RGL1: variants seen among roughly 807,000 people sequenced by gnomAD.
The protein encoded by RGL1 is ral guanine nucleotide dissociation stimulator-like 1.
A neutral mutation model predicts 95.2 loss-of-function variants in RGL1; 24 were observed. That is an observed-to-expected ratio of 0.25 (90% CI 0.18 to 0.35). The LOEUF is 0.35. Ranked by LOEUF, RGL1 falls within the 10% of genes least tolerant of loss-of-function variation. RGL1 has a pLI of 1.00. For missense variants in RGL1, 715 were observed against 936.3 expected (o/e 0.76, Z 3.08); for synonymous variants, 329 against 344.9 (o/e 0.95, Z 0.51).
chr1:183,876,115 G>A (rs941551175), intron 4 of RGL1, among the ~76,000 whole-genome samples: 1 of 152,122 alleles, frequency 6.6e-6, no homozygotes, highest in Non-Finnish European at 1.5e-5. Flanking sequence ...GACCAGGTCA[G>A]CTCCCTCTGA....
chr1:183,899,264 G>A lies in RGL1; in HGVS notation c.1231-886G>A, dbSNP rs1193059362. Among the ~76,000 whole-genome samples, 3 of 152,236 alleles carry A rather than the reference G, an allele frequency of 2.0e-5. No homozygotes were observed. The East Asian group carries it at 5.8e-4, about 29-fold the overall frequency. On this transcript the variant is annotated intron_variant, in intron 10 of 17. Transcript: ENST00000360851. The stretch of plus-strand genomic sequence containing the variant: ...TTAACTAAAATCTAGACTTTGTTTG[G>A]ATTTCACCAGTTTTCCACTAGTATC...
chr1:183,705,577 G>A (rs12076856), intron 1 of RGL1, among the ~76,000 whole-genome samples: 22 of 152,154 alleles, frequency 1.4e-4, no homozygotes, highest in African/African-American at 5.3e-4. Context: ...GTGAAAGGTG[G>A]GTGTCGGGGT....
At chr1:183,905,044 T>G in intron 13 of RGL1, 73 bp downstream of exon 13, 2 of 1,531,556 alleles carry the variant, frequency 1.3e-6, no homozygotes, top group South Asian at 2.6e-5. Context: ...AATACCTCGC[T>G]GGGTCATTTA....
At chr1:183,891,002 T>C (rs1226091932) in intron 8 of RGL1, among the ~76,000 whole-genome samples, 1 of 152,190 alleles carries the variant, frequency 6.6e-6, no homozygotes, top group Admixed American at 6.5e-5. Flanking sequence ...AAAGATATCT[T>C]ATTTGGTTAT....
upstream of RGL1, among the ~76,000 whole-genome samples, chr1:183,800,282 A>G (rs939261129): frequency 9.2e-5 from 14 of 152,224 alleles, no homozygotes; most frequent in Non-Finnish European, 1.5e-4. Context: ...TGAATGGGGT[A>G]TATATATTGT....
intron 12 of RGL1, 117 bp from the exon 13 acceptor site, chr1:183,904,733 T>C: frequency 9.1e-7 from 1 of 1,093,088 alleles, no homozygotes; most frequent in Admixed American, 2.8e-5. Context: ...TCCTCCTAGA[T>C]GGTTTTCTTC....
At chr1:183,814,265 G>A (rs899251452) in intron 2 of RGL1, among the ~76,000 whole-genome samples, 2 of 152,134 alleles carry the variant, frequency 1.3e-5, no homozygotes, top group Admixed American at 6.5e-5. Flanking sequence ...AGAAATACCT[G>A]TGTCTTTCCA....
At chr1:183,885,089 A>G (rs955318349) in intron 7 of RGL1, 151 bp downstream of exon 7, 1 of 699,238 alleles carries the variant, frequency 1.4e-6, no homozygotes, top group Non-Finnish European at 2.3e-6. Context: ...TTCCAGAGTA[A>G]GAAAAAAGTT....
At chr1:183,824,279 A>G in intron 2 of RGL1, among the ~76,000 whole-genome samples, 1 of 152,152 alleles carries the variant, frequency 6.6e-6, no homozygotes, top group East Asian at 1.9e-4. Context: ...ATTTCTGTGA[A>G]GATTCCGCTC....
chr1:183,677,785 G>A (rs1394358038), intron 1 of RGL1, among the ~76,000 whole-genome samples: 5 of 152,100 alleles, frequency 3.3e-5, no homozygotes, highest in South Asian at 2.1e-4. Flanking sequence ...CATGAGTTAG[G>A]TGTTATCTCC....
chr1:183,884,167 C>A (rs987884800), intron 6 of RGL1, among the ~76,000 whole-genome samples: 2 of 152,212 alleles, frequency 1.3e-5, no homozygotes, highest in African/African-American at 4.8e-5. Flanking sequence ...GAATTCGAAT[C>A]CCTGTGAAAC....
At chr1:183,916,755 T>C in intron 16 of RGL1, 54 bp downstream of exon 16, 1 of 1,581,438 alleles carries the variant, frequency 6.3e-7, no homozygotes, top group Non-Finnish European at 8.6e-7. Flanking sequence ...TGTGTGTCTG[T>C]GTCTGTCGGC....
intron 2 of RGL1, among the ~76,000 whole-genome samples, chr1:183,747,493 T>TAAC (rs1657716755): frequency 6.6e-6 from 1 of 152,242 alleles, no homozygotes; most frequent in South Asian, 2.1e-4. Context: ...TGTTTGTTTT[T>TAAC]CCTTGTAAAT....
At chr1:183,846,063 A>G (rs1470077922) in intron 2 of RGL1, among the ~76,000 whole-genome samples, 1 of 152,222 alleles carries the variant, frequency 6.6e-6, no homozygotes, top group Non-Finnish European at 1.5e-5. Context: ...AAAGGATTAT[A>G]AATCATTCTA....
chr1:183,735,529 GTTATGGAAAGCAAA>G (rs1418534531), intron 1 of RGL1, among the ~76,000 whole-genome samples: 5 of 152,132 alleles, frequency 3.3e-5, no homozygotes, highest in Admixed American at 3.3e-4. Context: ...ACCAGAGTAA[GTTATGGAAAGCAAA>G]AAAAGCAATA....
At chr1:183,720,520 G>T (rs1655961664) in intron 1 of RGL1, among the ~76,000 whole-genome samples, 1 of 152,226 alleles carries the variant, frequency 6.6e-6, no homozygotes, top group Non-Finnish European at 1.5e-5. Context: ...GCATCCATGG[G>T]CTGCCTACTT....
chr1:183,686,948 A>C (rs1653626740), intron 1 of RGL1, among the ~76,000 whole-genome samples: 2 of 152,210 alleles, frequency 1.3e-5, no homozygotes, highest in Admixed American at 1.3e-4. Context: ...ATCATTAGCT[A>C]TCCATTTGCC....
chr1:183,676,170 A>G (rs1652816480), intron 1 of RGL1, among the ~76,000 whole-genome samples: 1 of 152,162 alleles, frequency 6.6e-6, no homozygotes, highest in Non-Finnish European at 1.5e-5. Flanking sequence ...AAATAAATAA[A>G]AGGAGAAGAA....
At chr1:183,742,406 T>C in intron 2 of RGL1, 1 of 1,153,826 alleles carries the variant, frequency 8.7e-7, no homozygotes. Flanking sequence ...ATTCAGGGGC[T>C]GTAGGCACAG....
Sources: gnomAD v4.1 joint callset for allele counts (sites outside exome capture counted in the v4.1 genomes callset) on GRCh38, gnomAD v4.1.1 for gene constraint, MANE v1.5 for transcripts, NCBI Gene and HGNC (gene_info 2026-07-23, HGNC 2026-07-21) for gene names.